The following FLT4 variants were observed in gnomAD, a reference collection of about 807,000 sequenced individuals.
FLT4 encodes vascular endothelial growth factor receptor 3.
A neutral mutation model predicts 163.2 loss-of-function variants in FLT4; 30 were observed. The ratio of observed to expected loss-of-function variants is 0.18; its 90% CI spans 0.14 to 0.25. The LOEUF is 0.25. Among genes scored for constraint, FLT4 ranks in the 10% least tolerant of loss-of-function variants. The probability of loss-of-function intolerance (pLI) is 1.00; values close to 1 mark genes in which losing one functional copy is unlikely to be tolerated. For synonymous variants in FLT4, 884 were observed against 789.5 expected, an observed-to-expected ratio of 1.12 and a Z score of -2.01; for missense variants, 1,510 against 1,863.8, an observed-to-expected ratio of 0.81 and a Z score of 3.50.
intron 8 of FLT4, among the ~76,000 whole-genome samples, chr5:180,627,743 C>A (rs556676636): frequency 6.6e-6 from 1 of 152,168 alleles, no homozygotes; most frequent in African/African-American, 2.4e-5. Flanking sequence ...AGAGCTGCCA[C>A]CTGCCCAGAG....
chr5:180,627,846 T>C (rs1026150067), intron 8 of FLT4, among the ~76,000 whole-genome samples: 2 of 152,180 alleles, frequency 1.3e-5, no homozygotes, highest in African/African-American at 4.8e-5. Context: ...GATCTGCCAG[T>C]GCCCTCAGGA....
In FLT4 at chr5:180,612,515, C is replaced by T. The variant is rs1162047653; in HGVS notation, c.3528G>A (p.Arg1176=). The T allele has an allele frequency of 1.2e-6, 2 of 1,613,144 alleles. No homozygotes were observed. The highest frequency in any genetic ancestry group is 2.2e-5 in the East Asian group (1 of 44,870). ...TGGGGAAGGGGCTCACTTGCAGGCC[C>T]CTGCCCTGGAGCAGGTCCCCCAGGA... is the stretch of plus-strand genomic sequence containing the variant. The part of the protein sequence containing the change: ...VEILGDLLQG[R]GLQEEEEVCM... The change falls in exon 26 of 30, where the codon AGG becomes AGA. Residue 1176 remains arginine (R), a synonymous_variant. Coordinates refer to ENST00000261937, the MANE Select transcript of FLT4 (RefSeq NM_182925.5).
rs1299470980 is a variant in FLT4 at position 180,623,952 on chromosome 5, C to A, written c.1531G>T (p.Val511Leu). 1 of 1,613,688 alleles carries A rather than the reference C, an allele frequency of 6.2e-7. No individual in the cohort carries two copies. Among genetic ancestry groups the A allele is most frequent in the East Asian group, 2.2e-5 (1 of 44,882 alleles). ...IESLDTWTEF[V>L]EGKNKTVSKL... ...GCCTGTACCTTATTCTTTCCCTCCA[C>A]AAACTCGGTCCAGGTGTCCAGGCTC... The change falls in exon 11 of 30, where the codon GTG (valine) becomes TTG (leucine). Residue 511 changes from valine to leucine, a missense_variant. Physicochemically the swap from Val to Leu is conservative, Grantham distance 32. Coordinates refer to ENST00000261937, the MANE Select transcript of FLT4 (RefSeq NM_182925.5). This position sits in a 1 kb window ranked among gnomAD's most constrained non-coding sequence, Gnocchi z 5.8.
At chr5:180,621,058 G>C (rs771811103) in intron 14 of FLT4, 48 bp downstream of exon 14, 3 of 1,612,214 alleles carry the variant, frequency 1.9e-6, no homozygotes, top group Non-Finnish European at 2.5e-6. Context: ...GGGATCGTCG[G>C]CCTCGCGGGC....
rs1425393277 is a variant in FLT4, at chr5:180,620,625, A to C, written c.2390T>G (p.Phe797Cys). ...GACACTCACCCTCCTCATGTTACAG[A>C]AGATGAGGAGGAGGAGGACCCAGAA... is the stretch of plus-strand genomic sequence containing the variant. ...VFFWVLLLLIFCNMRRPAHAD... is the reference protein window; with the variant it reads ...VFFWVLLLLICCNMRRPAHAD... The change falls in exon 16 of 30, where the codon TTC becomes TGC. Residue 797 changes from phenylalanine (F) to cysteine (C), a missense_variant. Transcript: ENST00000261937. This position sits in a 1 kb window ranked among gnomAD's most constrained non-coding sequence, Gnocchi z 4.4. The C allele has an allele frequency of 1.2e-6, 2 of 1,612,290 alleles. No individual in the cohort carries two copies. Among genetic ancestry groups the C allele is most frequent in the African/African-American group, 2.7e-5 (2 of 74,884 alleles).
chr5:180,645,136 G>T (rs957011332), intron 1 of FLT4, among the ~76,000 whole-genome samples: 4 of 152,246 alleles, frequency 2.6e-5, no homozygotes, highest in East Asian at 1.9e-4. Context: ...GGTGAGTTGG[G>T]GGGGGCCCTG....
chr5:180,626,734 G>A (rs985744394), intron 8 of FLT4, among the ~76,000 whole-genome samples: 11 of 152,218 alleles, frequency 7.2e-5, no homozygotes, highest in African/African-American at 2.4e-4. Flanking sequence ...TGAAGGAGTG[G>A]AGGTGCAGTC....
In FLT4 at chr5:180,636,551, TC is replaced by T. The variant is rs1385150739; in HGVS notation, c.59-4774del. Among the ~76,000 whole-genome samples the T allele has an allele frequency of 2.5e-5, 3 of 118,830 alleles. No individual in the cohort carries two copies. The highest frequency in any genetic ancestry group is 6.4e-5 in the African/African-American group (2 of 31,372). 78.0% of individuals were successfully genotyped at this position (118,830 alleles called of 152,430 possible). Reference sequence around the variant, plus strand: ...GCTGACCGTAGCTCCTGGCTCACCATCCCCCCCACCCCAGCTCCTGCCCTTC... The same window carrying T: ...GCTGACCGTAGCTCCTGGCTCACCATCCCCCCACCCCAGCTCCTGCCCTTC... On this transcript the variant is annotated intron_variant, in intron 1 of 29. Transcript: ENST00000261937. The surrounding 1 kb of genome is among the most constrained non-coding windows in gnomAD (Gnocchi z 4.3).
chr5:180,605,196 C>T (rs1403727489), intron 29 of FLT4, among the ~76,000 whole-genome samples: 2 of 152,208 alleles, frequency 1.3e-5, no homozygotes, highest in African/African-American at 4.8e-5. Flanking sequence ...AACTCCGGGC[C>T]TCAAGTGATC....
At chr5:180,613,163 C>A (rs1762346074) in intron 24 of FLT4, 53 bp from the exon 25 acceptor site, 1 of 1,355,856 alleles carries the variant, frequency 7.4e-7, no homozygotes. Context: ...CGGCTCAGCC[C>A]AGCCCCCCAA....
At chr5:180,629,864 G>A (rs764493802) in intron 5 of FLT4, 29 bp from the exon 6 acceptor site, 6 of 1,612,486 alleles carry the variant, frequency 3.7e-6, no homozygotes, top group Middle Eastern at 1.6e-4. Context: ...TGACTCCCAC[G>A]CCCTCACAGG....
intron 29 of FLT4, among the ~76,000 whole-genome samples, chr5:180,603,789 A>G (rs1478502571): frequency 1.3e-5 from 2 of 152,124 alleles, no homozygotes; most frequent in South Asian, 2.1e-4. Flanking sequence ...CTGTAGTCCC[A>G]GCTACTCGGG....
At position 180,618,394 on chromosome 5, in the gene FLT4, C is replaced by T. The variant is rs1356360892; in HGVS notation, c.3001+376G>A. On this transcript the variant is annotated intron_variant, in intron 21 of 29. Transcript: ENST00000261937. ...CCCACATCCTACTCCAGAGCACCCT[C>T]TCCTGCTCCTCAGCCTCTGGGACAC... Among the ~76,000 whole-genome samples the T allele has an allele frequency of 7.3e-4, 77 of 105,186 alleles. 4 individuals are homozygous for T. Among genetic ancestry groups the T allele is most frequent in the Non-Finnish European group, 1.3e-3 (61 of 45,820 alleles). The allele number at this position is 105,186 out of a possible 152,430, so 69.0% of individuals were successfully genotyped here.
intron 8 of FLT4, among the ~76,000 whole-genome samples, chr5:180,627,537 C>A (rs1219393355): frequency 2.7e-5 from 4 of 150,178 alleles, no homozygotes; most frequent in Non-Finnish European, 2.9e-5. Flanking sequence ...CAAGGACCAG[C>A]CCATCTGTGT....
Position 180,614,291 on chromosome 5 carries a change from CGGAGGGAAGCGTGTCCCGT to C in FLT4, c.3220-131_3220-113del, listed in dbSNP as rs1561702547. 216 of 657,778 alleles carry C rather than the reference CGGAGGGAAGCGTGTCCCGT, an allele frequency of 3.3e-4. 2 individuals carry two copies. In the African/African-American group the frequency reaches 3.3e-3, roughly 10 times the overall value. 40.7% of individuals were successfully genotyped at this position (657,778 alleles called of 1,614,324 possible). A position where few individuals can be genotyped will look rare whatever the true frequency, so the allele number is the denominator to read the frequency against. Reference sequence around the variant, plus strand: ...GCGTGTCCTGCGGTGGATGGGGAGACGGAGGGAAGCGTGTCCCGTGGTGGATGGGAAGAGAGGGCTGAGG... The same window carrying C: ...GCGTGTCCTGCGGTGGATGGGGAGACGGTGGATGGGAAGAGAGGGCTGAGG... On this transcript the variant is annotated intron_variant, in intron 23 of 29. Coordinates refer to ENST00000261937, the MANE Select transcript of FLT4 (RefSeq NM_182925.5).
chr5:180,627,409 C>A (rs1195166228), intron 8 of FLT4, among the ~76,000 whole-genome samples: 1 of 152,188 alleles, frequency 6.6e-6, no homozygotes, highest in Non-Finnish European at 1.5e-5. Context: ...CTGCCACTTG[C>A]TGGATCTGAG....
chr5:180,619,741 C>A lies in FLT4; in HGVS notation c.2571G>T (p.Gly857=). Residue 857 remains glycine, a synonymous_variant, in exon 18 of 30, where the codon GGG becomes GGT. Transcript: ENST00000261937. Reference sequence around the variant, plus strand: ...CGAAAGCGGAGGCTTCCACCACCTTCCCGAAGGCGCCGTAGCCGAGCACTC... The same window carrying A: ...CGAAAGCGGAGGCTTCCACCACCTTACCGAAGGCGCCGTAGCCGAGCACTC... ...LGRVLGYGAF[G]KVVEASAFGI... 1 of 1,612,548 alleles carries A rather than the reference C, an allele frequency of 6.2e-7. No individual in the cohort carries two copies. The highest frequency in any genetic ancestry group is 1.7e-4 in the Middle Eastern group (1 of 5,990).
rs557704134 is a variant in FLT4 at position 180,601,767 on chromosome 5, C to G, written c.*1425G>C. On this transcript the variant is annotated 3_prime_UTR_variant, in exon 30 of 30. Transcript: ENST00000261937. ...ACGTGCAGAGGAAGGGGGAGGTCCA[C>G]GGGGACGACGAAGATGACCTTATAC... 4.4e-6 allele frequency: 1 copy of G among 226,982 alleles called. No homozygotes were observed. The highest frequency in any genetic ancestry group is 8.7e-6 in the Non-Finnish European group (1 of 114,338). The allele number at this position is 226,982 out of a possible 1,614,324, so 14.1% of individuals were successfully genotyped here.
intron 27 of FLT4, among the ~76,000 whole-genome samples, chr5:180,611,063 AT>A (rs1476032474): frequency 2.0e-5 from 3 of 152,176 alleles, no homozygotes; most frequent in African/African-American, 7.2e-5. Flanking sequence ...TCTCAAAAAA[AT>A]AAATAAATAA....
Sources: gnomAD v4.1 joint callset for allele counts (sites outside exome capture counted in the v4.1 genomes callset) on GRCh38, gnomAD v4.1.1 for gene constraint, Gnocchi (gnomAD v3.1) non-coding constraint, MANE v1.5 for transcripts, NCBI Gene and HGNC (gene_info 2026-07-23, HGNC 2026-07-21) for gene names.